MAP3K2: variants seen among roughly 807,000 people sequenced by gnomAD.
The protein encoded by MAP3K2 is MAP/ERK kinase kinase 2.
A neutral mutation model predicts 80.3 loss-of-function variants in MAP3K2; 24 were observed. The ratio of observed to expected loss-of-function variants is 0.30; its 90% CI spans 0.22 to 0.42. MAP3K2 has a LOEUF of 0.42. Ranked by LOEUF, MAP3K2 falls within the 10% of genes least tolerant of loss-of-function variation. MAP3K2 has a pLI of 1.00. For synonymous variants in MAP3K2, 244 were observed against 253.7 expected (o/e 0.96, Z 0.36); for missense variants, 608 against 750.1 (o/e 0.81, Z 2.21).
chr2:127,346,410 TAAAAAAAAAA>T (rs70985447), intron 1 of MAP3K2, among the ~76,000 whole-genome samples: 8 of 96,348 alleles, frequency 8.3e-5, no homozygotes, highest in East Asian at 7.9e-4. Flanking sequence ...AAACTGGTTT[TAAAAAAAAAA>T]AAAAAAAAAA....
chr2:127,318,412 A>T (rs1486681148), intron 12 of MAP3K2, 95 bp from the exon 13 acceptor site: 4 of 905,142 alleles, frequency 4.4e-6, no homozygotes, highest in Admixed American at 4.1e-5. Flanking sequence ...GACATCCTTC[A>T]TTGAATGTAC....
At position 127,303,236 on chromosome 2, in the gene MAP3K2, G is replaced by T. The variant is rs186949736; in HGVS notation, c.*4343C>A. 6.6e-6 allele frequency: 1 copy of T among 151,412 alleles called. No homozygotes were observed. Among genetic ancestry groups the T allele is most frequent in the African/African-American group, 2.4e-5 (1 of 41,280 alleles). The allele number at this position is 151,412 out of a possible 1,614,324, so 9.4% of individuals were successfully genotyped here. ...TCCTGATCTTAGTATAAATAACACT[G>T]TTGACAGAGTTCAATTTCTATCAAA... On this transcript the variant is annotated 3_prime_UTR_variant, in exon 17 of 17. Transcript: ENST00000682094.
intron 1 of MAP3K2, among the ~76,000 whole-genome samples, chr2:127,348,070 G>A (rs563272311): frequency 1.2e-4 from 18 of 152,242 alleles, no homozygotes; most frequent in Admixed American, 7.2e-4. Context: ...AGAGAAACAT[G>A]TCCTATATCC....
intron 15 of MAP3K2, among the ~76,000 whole-genome samples, chr2:127,312,582 G>C (rs1461284508): frequency 6.6e-6 from 1 of 152,098 alleles, no homozygotes; most frequent in Admixed American, 6.5e-5. Context: ...GACTGCTTGA[G>C]CTCAAGAGGT....
At position 127,329,951 on chromosome 2, in the gene MAP3K2, C is replaced by T. The variant is rs755674601; in HGVS notation, c.436G>A (p.Ala146Thr). 6.2e-7 allele frequency: 1 copy of T among 1,608,512 alleles called. No homozygotes were observed. Among genetic ancestry groups the T allele is most frequent in the Non-Finnish European group, 8.5e-7 (1 of 1,175,698 alleles). The change falls in exon 7 of 17, where the codon GCA becomes ACA. Residue 146 changes from alanine to threonine, a missense_variant. Around this residue, in one of 4 missense-constraint regions of MAP3K2, gnomAD observed 467 missense variants for 521.9 expected, o/e 0.89. Transcript: ENST00000682094. ...ATAGATAGCCGTTTTTTCCTCTCTG[C>T]TCCAAATACTGTATTATCCAAATCT... ...LEDLDNTVFG[A>T]ERKKRLSIIG...
Position 127,301,851 on chromosome 2 carries a change from G to T in MAP3K2, c.*5728C>A, listed in dbSNP as rs555096055. 10 of 152,108 alleles carry T rather than the reference G, an allele frequency of 6.6e-5. No homozygotes were observed. In the South Asian group the frequency reaches 1.9e-3, roughly 28 times the overall value. The allele number at this position is 152,108 out of a possible 1,614,324, so 9.4% of individuals were successfully genotyped here. On this transcript the variant is annotated 3_prime_UTR_variant, in exon 17 of 17. Transcript: ENST00000682094. ...GGACCACTGAAAAAAGAATCTCTAG[G>T]CTCCCCCAAGAGCTCATTTCCATCA...
At chr2:127,381,717 C>A (rs34006114) in intron 1 of MAP3K2, among the ~76,000 whole-genome samples, 29,432 of 152,156 alleles carry the variant, frequency 0.19, 3,108 homozygotes, top group South Asian at 0.34. Flanking sequence ...CTCCTCTCAA[C>A]CAAGCAATCA....
In MAP3K2 at chr2:127,321,800, T is replaced by C. The variant is rs78661186; in HGVS notation, c.1045+246A>G. The stretch of plus-strand genomic sequence containing the variant: ...ATTCAACAAGGATATGTGGAATGCA[T>C]GGATAAAGAATGACTAGTTGGTAAT... On this transcript the variant is annotated intron_variant, in intron 12 of 16. Transcript: ENST00000682094. The surrounding 1 kb of genome is among the most constrained non-coding windows in gnomAD (Gnocchi z 4.4). 6.6e-6 allele frequency among the ~76,000 whole-genome samples: 1 copy of C among 152,226 alleles called. No individual in the cohort carries two copies.
At chr2:127,357,054 T>G (rs150870533) in intron 1 of MAP3K2, among the ~76,000 whole-genome samples, 1 of 152,070 alleles carries the variant, frequency 6.6e-6, no homozygotes, top group African/African-American at 2.4e-5. Context: ...ATCATCCCAT[T>G]AAAACATGGG....
At position 127,307,393 on chromosome 2, in the gene MAP3K2, T is replaced by A; in HGVS notation, c.*186A>T. The stretch of plus-strand genomic sequence containing the variant: ...AAGTTCTTGTAAGGGAAAAAAAGAT[T>A]AAATATAAAAAATTTAGGATATTAT... On this transcript the variant is annotated 3_prime_UTR_variant, in exon 17 of 17. Coordinates refer to ENST00000682094, the MANE Select transcript of MAP3K2 (RefSeq NM_001371910.2). The surrounding 1 kb of genome is among the most constrained non-coding windows in gnomAD (Gnocchi z 5.4). 1 of 381,898 alleles carries A rather than the reference T, an allele frequency of 2.6e-6. No individual in the cohort carries two copies. Among genetic ancestry groups the A allele is most frequent in the Non-Finnish European group, 4.6e-6 (1 of 216,914 alleles). The allele number at this position is 381,898 out of a possible 1,614,324, so 23.7% of individuals were successfully genotyped here. A position where few individuals can be genotyped will look rare whatever the true frequency, so the allele number is the denominator to read the frequency against.
chr2:127,357,834 T>A (rs892059568), intron 1 of MAP3K2, among the ~76,000 whole-genome samples: 2 of 152,116 alleles, frequency 1.3e-5, no homozygotes, highest in Non-Finnish European at 2.9e-5. Flanking sequence ...ATCATAAACC[T>A]ACATATAAGG....
Position 127,317,745 on chromosome 2 carries a change from C to T in MAP3K2, c.1210G>A (p.Glu404Lys). The T allele has an allele frequency of 6.2e-7, 1 of 1,602,060 alleles. No homozygotes were observed. Among genetic ancestry groups the T allele is most frequent in the Non-Finnish European group, 8.5e-7 (1 of 1,173,652 alleles). ...PETSKEVNALECEIQLLKNLL... is the reference protein window; with the variant it reads ...PETSKEVNALKCEIQLLKNLL... ...TTTTTCAGCAACTGAATTTCACACT[C>T]AAGTGCATTTACTTCCTGAAAGAGA... The change falls in exon 14 of 17, where the codon GAG (glutamate) becomes AAG (lysine). Residue 404 changes from glutamate to lysine, a missense_variant. Physicochemically the swap from Glu to Lys is moderately conservative, Grantham distance 56. Transcript: ENST00000682094.
chr2:127,309,377 T>C (rs918159355), intron 15 of MAP3K2, among the ~76,000 whole-genome samples: 1 of 152,202 alleles, frequency 6.6e-6, no homozygotes. Context: ...ACTTTTTAGA[T>C]AGCTTCAGAT....
intron 1 of MAP3K2, among the ~76,000 whole-genome samples, chr2:127,350,995 G>A (rs758247153): frequency 7.9e-5 from 12 of 152,092 alleles, no homozygotes; most frequent in Non-Finnish European, 1.6e-4. Context: ...TGATTCATAG[G>A]GAAGCATTAG....
At chr2:127,345,723 T>C (rs1311959088) in intron 1 of MAP3K2, among the ~76,000 whole-genome samples, 1 of 152,136 alleles carries the variant, frequency 6.6e-6, no homozygotes. Flanking sequence ...CACAAGGATA[T>C]CTGGAAAATT....
At chr2:127,365,408 CTG>C (rs59828652) in intron 1 of MAP3K2, among the ~76,000 whole-genome samples, 27,331 of 152,082 alleles carry the variant, frequency 0.18, 2,895 homozygotes, top group South Asian at 0.34. Context: ...GCAGTTTATA[CTG>C]TGTCAACCTG....
chr2:127,307,465 C>T lies in MAP3K2; in HGVS notation c.*114G>A, dbSNP rs1292316883. 3.8e-6 allele frequency: 2 copies of T among 531,618 alleles called. No individual in the cohort carries two copies. The allele number at this position is 531,618 out of a possible 1,614,324, so 32.9% of individuals were successfully genotyped here. On this transcript the variant is annotated 3_prime_UTR_variant, in exon 17 of 17. Coordinates refer to ENST00000682094, the MANE Select transcript of MAP3K2 (RefSeq NM_001371910.2). The surrounding 1 kb of genome is among the most constrained non-coding windows in gnomAD (Gnocchi z 5.4). ...AAGAATCAAGAGAAATACTTTCCCTCTTGTCTTTTTTCTCCCCCATCTCTC... is the reference window on the plus strand; with the variant it reads ...AAGAATCAAGAGAAATACTTTCCCTTTTGTCTTTTTTCTCCCCCATCTCTC...
At chr2:127,330,232 G>A (rs1029731565) in intron 6 of MAP3K2, among the ~76,000 whole-genome samples, 160 bp downstream of exon 6, 5 of 151,992 alleles carry the variant, frequency 3.3e-5, no homozygotes, top group African/African-American at 1.2e-4. Context: ...TGGTTTTTGA[G>A]GAGTAAGGAT....
chr2:127,369,972 G>C (rs1384448741), intron 1 of MAP3K2, among the ~76,000 whole-genome samples: 1 of 152,190 alleles, frequency 6.6e-6, no homozygotes, highest in Non-Finnish European at 1.5e-5. Context: ...AAAAGATTTG[G>C]CTGAAGGCAG....
Sources: gnomAD v4.1 joint callset for allele counts (sites outside exome capture counted in the v4.1 genomes callset) on GRCh38, gnomAD v4.1.1 for gene constraint, gnomAD v4.1.1 regional missense constraint, Gnocchi (gnomAD v3.1) non-coding constraint, MANE v1.5 for transcripts, NCBI Gene and HGNC (gene_info 2026-07-23, HGNC 2026-07-21) for gene names.